LRRC47: variants seen among roughly 807,000 people sequenced by gnomAD.
LRRC47 encodes leucine-rich repeat-containing protein 47.
A neutral mutation model predicts 40.9 loss-of-function variants in LRRC47; 31 were observed. That is an observed-to-expected ratio of 0.76 (90% CI 0.57 to 1.02). The LOEUF (loss-of-function observed/expected upper bound fraction) is 1.02. LRRC47 is among the 50% of genes least tolerant of loss of function. The pLI, the probability that LRRC47 is intolerant of heterozygous loss-of-function variation, is 0.00. For synonymous variants in LRRC47, 427 were observed against 371.9 expected (o/e 1.15, Z -1.70); for missense variants, 726 against 796.1 (o/e 0.91, Z 1.06).
chr1:3,785,231 G>A lies in LRRC47; in HGVS notation c.1078-28C>T, dbSNP rs116036316. ...GTAACACAGAAGCAGTGATGAGCAA[G>A]GTCTCTTGTGCCCTGAAGCCCAGCG... On this transcript the variant is annotated intron_variant, in intron 2 of 6. Transcript: ENST00000378251. The A allele has an allele frequency of 2.6e-3, 3,881 of 1,471,748 alleles. 98 individuals carry two copies. The African/African-American group carries it at 0.048, about 18-fold the overall frequency. The allele number at this position is 1,471,748 out of a possible 1,614,324, so 91.2% of individuals were successfully genotyped here.
intron 5 of LRRC47, among the ~76,000 whole-genome samples, chr1:3,782,094 G>T (rs1227497917): frequency 2.6e-5 from 4 of 152,188 alleles, no homozygotes; most frequent in Non-Finnish European, 5.9e-5. Flanking sequence ...CATGAACAGT[G>T]AGCTGTAGCT....
chr1:3,782,780 A>G lies in LRRC47; in HGVS notation c.1311-17T>C. On this transcript the variant is annotated splice_polypyrimidine_tract_variant and intron_variant, in intron 4 of 6. Coordinates refer to ENST00000378251, the MANE Select transcript of LRRC47 (RefSeq NM_020710.3). ...TGAAGGTATCTGTATGGGAAGAAAT[A>G]CAAATTCCAGGCATAATTATAAAAG... The G allele has an allele frequency of 7.0e-7, 1 of 1,425,492 alleles. No homozygotes were observed. The highest frequency in any genetic ancestry group is 9.9e-7 in the Non-Finnish European group (1 of 1,007,702). 88.3% of individuals were successfully genotyped at this position (1,425,492 alleles called of 1,614,324 possible). A position where few individuals can be genotyped will look rare whatever the true frequency, so the allele number is the denominator to read the frequency against.
intron 1 of LRRC47, among the ~76,000 whole-genome samples, chr1:3,792,342 A>G (rs1209424943): frequency 1.2e-4 from 18 of 152,216 alleles, no homozygotes; most frequent in Admixed American, 1.2e-3. Flanking sequence ...GGGAAAGGGA[A>G]CTTGGCCACC....
At position 3,787,324 on chromosome 1, in the gene LRRC47, C is replaced by A. The variant is rs1228303699; in HGVS notation, c.616-14G>T. Reference sequence around the variant, plus strand: ...GAGGTCCAACGTCTGCAAAGAGAAACATGGACGCGTCAGACGCCCGGACTC... The same window carrying A: ...GAGGTCCAACGTCTGCAAAGAGAAAAATGGACGCGTCAGACGCCCGGACTC... On this transcript the variant is annotated splice_polypyrimidine_tract_variant and intron_variant, in intron 1 of 6. Coordinates refer to ENST00000378251, the MANE Select transcript of LRRC47 (RefSeq NM_020710.3). 2 of 1,601,036 alleles carry A rather than the reference C, an allele frequency of 1.2e-6. No individual in the cohort carries two copies. The highest frequency in any genetic ancestry group is 1.7e-6 in the Non-Finnish European group (2 of 1,175,962).
chr1:3,786,796 G>A lies in LRRC47; in HGVS notation c.1077+53C>T, dbSNP rs1570737690. On this transcript the variant is annotated intron_variant, in intron 2 of 6. Coordinates refer to ENST00000378251, the MANE Select transcript of LRRC47 (RefSeq NM_020710.3). ...CTGGCCTCAGGATGTGTCCCAGCTTGCGGCGTCTCACACCTCTGTCCCAGT... is the reference window on the plus strand; with the variant it reads ...CTGGCCTCAGGATGTGTCCCAGCTTACGGCGTCTCACACCTCTGTCCCAGT... The A allele has an allele frequency of 5.4e-6, 8 of 1,474,740 alleles. No homozygotes were observed. The South Asian group carries it at 1.1e-4, about 20-fold the overall frequency. The allele number at this position is 1,474,740 out of a possible 1,614,324, so 91.4% of individuals were successfully genotyped here.
At position 3,786,902 on chromosome 1, in the gene LRRC47, GCAC is replaced by G; in HGVS notation, c.1021_1023del (p.Val341del). The G allele has an allele frequency of 6.2e-7, 1 of 1,605,872 alleles. No homozygotes were observed. The highest frequency in any genetic ancestry group is 1.1e-5 in the South Asian group (1 of 89,504). ...TTCCCTGGCTGCAGGTCCATGCCTC[GCAC>G]CACGGCCCCCACAATGTAGGGCCGC... On this transcript the variant is annotated inframe_deletion, in exon 2 of 7. Coordinates refer to ENST00000378251, the MANE Select transcript of LRRC47 (RefSeq NM_020710.3).
chr1:3,783,774 G>A (rs369629712), intron 4 of LRRC47: 30 of 549,170 alleles, frequency 5.5e-5, no homozygotes, highest in African/African-American at 7.5e-5. Context: ...CAATACCTCC[G>A]CTCCTAACAC....
intron 2 of LRRC47, among the ~76,000 whole-genome samples, chr1:3,786,255 T>C (rs1013317770): frequency 1.3e-5 from 2 of 151,992 alleles, no homozygotes; most frequent in African/African-American, 2.4e-5. Flanking sequence ...CCCCACACTT[T>C]GGGAGGCCAA....
intron 1 of LRRC47, among the ~76,000 whole-genome samples, chr1:3,788,401 T>C (rs1643597139): frequency 6.6e-6 from 1 of 152,182 alleles, no homozygotes; most frequent in Admixed American, 6.5e-5. Flanking sequence ...CAACAGCATG[T>C]GGGCCCCCTG....
In LRRC47 at chr1:3,787,292, T is replaced by C; in HGVS notation, c.634A>G (p.Asn212Asp). The change falls in exon 2 of 7, where the codon AAC becomes GAC. Residue 212 changes from asparagine (N) to aspartate (D), a missense_variant. Coordinates refer to ENST00000378251, the MANE Select transcript of LRRC47 (RefSeq NM_020710.3). The part of the protein sequence containing the change: ...ASLKTLDLSN[N>D]QLSEIPAELA... ...TCTGCAGGGATCTCGCTCAGCTGGTTGTTCGAGAGGTCCAACGTCTGCAAA... is the reference window on the plus strand; with the variant it reads ...TCTGCAGGGATCTCGCTCAGCTGGTCGTTCGAGAGGTCCAACGTCTGCAAA... 1.2e-6 allele frequency: 2 copies of C among 1,611,990 alleles called. No individual in the cohort carries two copies. Among genetic ancestry groups the C allele is most frequent in the Non-Finnish European group, 1.7e-6 (2 of 1,179,792 alleles).
intron 2 of LRRC47, among the ~76,000 whole-genome samples, chr1:3,786,350 A>AT (rs1260773494): frequency 6.6e-6 from 1 of 152,148 alleles, no homozygotes; most frequent in Admixed American, 6.5e-5. Flanking sequence ...ATACAAAAAA[A>AT]TTAGCCAGAC....
Position 3,795,845 on chromosome 1 carries a change from G to A in LRRC47, c.615+17C>T, listed in dbSNP as rs535050557. 4.5e-6 allele frequency: 7 copies of A among 1,554,178 alleles called. No homozygotes were observed. In the East Asian group the frequency reaches 1.2e-4, roughly 27 times the overall value. ...TCCAAGGCCCCATCCCGCCCCGCCC[G>A]GGCAGCCCCCGCTGACCTTGAGCGA... is the stretch of plus-strand genomic sequence containing the variant. On this transcript the variant is annotated intron_variant, in intron 1 of 6. Transcript: ENST00000378251.
chr1:3,782,768 A>G lies in LRRC47; in HGVS notation c.1311-5T>C. The G allele has an allele frequency of 6.7e-7, 1 of 1,503,010 alleles. No individual in the cohort carries two copies. The highest frequency in any genetic ancestry group is 1.1e-5 in the South Asian group (1 of 88,836). The allele number at this position is 1,503,010 out of a possible 1,614,324, so 93.1% of individuals were successfully genotyped here. On this transcript the variant is annotated splice_region_variant and splice_polypyrimidine_tract_variant and intron_variant, in intron 4 of 6. Transcript: ENST00000378251. ...CCATCCAGCAAGTGAAGGTATCTGT[A>G]TGGGAAGAAATACAAATTCCAGGCA... is the stretch of plus-strand genomic sequence containing the variant.
chr1:3,785,579 A>G (rs57921733), intron 2 of LRRC47: 3,250 of 152,832 alleles, frequency 0.021, 78 homozygotes, highest in East Asian at 0.11. Flanking sequence ...CCCAAGCTGC[A>G]GGCAGGACTC....
chr1:3,784,134 C>G (rs199585760), intron 3 of LRRC47, 23 bp from the exon 4 acceptor site: 2 of 1,583,350 alleles, frequency 1.3e-6, no homozygotes, highest in Non-Finnish European at 8.6e-7. Flanking sequence ...AACCCACAAA[C>G]TCCACTAGGG....
At chr1:3,783,471 GGAC>G (rs1414844319) in intron 4 of LRRC47, among the ~76,000 whole-genome samples, 4 of 148,646 alleles carry the variant, frequency 2.7e-5, no homozygotes, top group Non-Finnish European at 5.9e-5. Flanking sequence ...AGGGTAAAAT[GGAC>G]GACTCAAAAA....
chr1:3,794,807 C>T (rs2124615950), intron 1 of LRRC47, among the ~76,000 whole-genome samples: 1 of 151,934 alleles, frequency 6.6e-6, no homozygotes, highest in East Asian at 2.0e-4. Context: ...GTAATCCTAG[C>T]ACTTTGGAAG....
At chr1:3,784,170 T>C (rs2124610090) in intron 3 of LRRC47, 59 bp from the exon 4 acceptor site, 1 of 1,450,392 alleles carries the variant, frequency 6.9e-7, no homozygotes, top group South Asian at 1.2e-5. Context: ...TCGCCCATCG[T>C]GTCGATTACG....
In LRRC47 at chr1:3,778,958, C is replaced by T. The variant is rs1186227328; in HGVS notation, c.*2130G>A. 1 of 152,448 alleles carries T rather than the reference C, an allele frequency of 6.6e-6. No individual in the cohort carries two copies. The highest frequency in any genetic ancestry group is 1.5e-5 in the Non-Finnish European group (1 of 68,198). The allele number at this position is 152,448 out of a possible 1,614,324, so 9.4% of individuals were successfully genotyped here. ...CCCCCGTGCCGCCTCAAGCCTCCAGCAGGGCAGGCCCCTGGCCAACTGTGG... is the reference window on the plus strand; with the variant it reads ...CCCCCGTGCCGCCTCAAGCCTCCAGTAGGGCAGGCCCCTGGCCAACTGTGG... On this transcript the variant is annotated 3_prime_UTR_variant, in exon 7 of 7. Transcript: ENST00000378251.
Sources: gnomAD v4.1 joint callset for allele counts (sites outside exome capture counted in the v4.1 genomes callset) on GRCh38, gnomAD v4.1.1 for gene constraint, MANE v1.5 for transcripts, NCBI Gene and HGNC (gene_info 2026-07-23, HGNC 2026-07-21) for gene names.